C12orf42: variants seen among roughly 807,000 people sequenced by gnomAD.
C12orf42 encodes the protein uncharacterized protein C12orf42.
A neutral mutation model predicts 21.6 loss-of-function variants in C12orf42; 25 were observed. That is an observed-to-expected ratio of 1.16 (90% CI 0.84 to 1.62). The LOEUF (loss-of-function observed/expected upper bound fraction) is 1.62, where lower values mean the gene tolerates loss of function less well. C12orf42 is among the 40% of genes most tolerant of loss of function. The probability of loss-of-function intolerance (pLI) is 0.00; values close to 1 mark genes in which losing one functional copy is unlikely to be tolerated. For synonymous variants in C12orf42, 174 were observed against 175.0 expected, an observed-to-expected ratio of 0.99 and a Z score of 0.05; for missense variants, 483 against 459.3, an observed-to-expected ratio of 1.05 and a Z score of -0.47.
chr12:103,103,629 T>C, the C12orf42 span, among the ~76,000 whole-genome samples: 1 of 151,602 alleles, frequency 6.6e-6, no homozygotes, highest in East Asian at 1.9e-4. Flanking sequence ...GAGCCCAATA[T>C]TTTTTTTTCC....
At chr12:103,220,288 CTA>C in the C12orf42 span, among the ~76,000 whole-genome samples, 1 of 152,056 alleles carries the variant, frequency 6.6e-6, no homozygotes, top group Non-Finnish European at 1.5e-5. Flanking sequence ...GGAGAAATAC[CTA>C]ATGCAGATGA....
At chr12:103,074,022 A>G in the C12orf42 span, among the ~76,000 whole-genome samples, 3 of 152,156 alleles carry the variant, frequency 2.0e-5, no homozygotes, top group South Asian at 6.2e-4. Flanking sequence ...ACAGCACACA[A>G]CCTTCCAATC....
At chr12:103,447,916 C>G (rs140055477) in intron 2 of C12orf42, among the ~76,000 whole-genome samples, 149 of 152,020 alleles carry the variant, frequency 9.8e-4, no homozygotes, top group African/African-American at 3.2e-3. Flanking sequence ...ATACTACCAT[C>G]ATTCTTCACA....
the C12orf42 span, among the ~76,000 whole-genome samples, chr12:103,510,650 A>G: frequency 3.9e-5 from 6 of 152,198 alleles, no homozygotes; most frequent in Non-Finnish European, 8.8e-5. Flanking sequence ...CCCTAAAACA[A>G]TCATTTCATT....
chr12:103,298,892 G>T (rs978427258), downstream of C12orf42, among the ~76,000 whole-genome samples: 1 of 152,090 alleles, frequency 6.6e-6, no homozygotes, highest in Non-Finnish European at 1.5e-5. Context: ...CAAATAAAAA[G>T]AACTATGTCA....
At chr12:103,273,757 G>GAAGAGA (rs1184340555) in intron 5 of C12orf42, 2 of 439,252 alleles carry the variant, frequency 4.6e-6, no homozygotes, top group South Asian at 1.6e-5. Flanking sequence ...AGGAGAAAGA[G>GAAGAGA]AAGAGAAAGA....
At chr12:103,197,178 C>T in the C12orf42 span, among the ~76,000 whole-genome samples, 4 of 152,062 alleles carry the variant, frequency 2.6e-5, no homozygotes, top group South Asian at 2.1e-4. Context: ...TTATGGAGCT[C>T]GGTTTGGCTG....
At chr12:103,074,298 G>A in the C12orf42 span, among the ~76,000 whole-genome samples, 2 of 152,152 alleles carry the variant, frequency 1.3e-5, no homozygotes, top group Non-Finnish European at 2.9e-5. Context: ...TTATTTTTCG[G>A]GCACCATAAA....
the C12orf42 span, among the ~76,000 whole-genome samples, chr12:103,169,667 G>T: frequency 6.6e-6 from 1 of 152,058 alleles, no homozygotes; most frequent in African/African-American, 2.4e-5. Context: ...GTTATAGTGG[G>T]CAAAATAATT....
At chr12:103,209,388 C>T in the C12orf42 span, among the ~76,000 whole-genome samples, 1 of 152,124 alleles carries the variant, frequency 6.6e-6, no homozygotes. Flanking sequence ...AAAATAGACT[C>T]CTGCTTTGGT....
intron 2 of C12orf42, among the ~76,000 whole-genome samples, chr12:103,409,621 T>G (rs540318515): frequency 6.6e-6 from 1 of 152,286 alleles, no homozygotes; most frequent in East Asian, 1.9e-4. Context: ...CAAAAATGGA[T>G]AGATGTGCAC....
chr12:103,297,767 G>A (rs146768478), downstream of C12orf42, among the ~76,000 whole-genome samples: 5 of 150,978 alleles, frequency 3.3e-5, no homozygotes, highest in East Asian at 9.7e-4. Flanking sequence ...AGATCAAGCG[G>A]GCTTCATCCC....
At chr12:103,189,533 G>A in the C12orf42 span, among the ~76,000 whole-genome samples, 5 of 152,192 alleles carry the variant, frequency 3.3e-5, no homozygotes, top group East Asian at 1.9e-4. Context: ...AAGAGTGTAG[G>A]AAGGACAGTT....
chr12:103,141,995 A>T, the C12orf42 span, among the ~76,000 whole-genome samples: 1 of 152,206 alleles, frequency 6.6e-6, no homozygotes, highest in South Asian at 2.1e-4. Context: ...AATAGAATGA[A>T]CACAAATTAA....
At chr12:103,301,255 T>C (rs536578330), downstream of C12orf42, among the ~76,000 whole-genome samples, 52 of 152,148 alleles carry the variant, frequency 3.4e-4, no homozygotes, top group Non-Finnish European at 6.3e-4. Flanking sequence ...TCCAAGCTTG[T>C]GGGAAAATTC....
At chr12:103,202,733 C>T in the C12orf42 span, among the ~76,000 whole-genome samples, 1 of 152,156 alleles carries the variant, frequency 6.6e-6, no homozygotes, top group Non-Finnish European at 1.5e-5. Context: ...TTTTTTGTCT[C>T]AAGCTAAGTG....
At chr12:103,100,190 G>T in the C12orf42 span, among the ~76,000 whole-genome samples, 2 of 152,234 alleles carry the variant, frequency 1.3e-5, no homozygotes, top group Non-Finnish European at 2.9e-5. Flanking sequence ...ATCCATACAT[G>T]CCATCCCCAC....
chr12:103,340,460 C>T (rs2042066860), intron 4 of C12orf42, among the ~76,000 whole-genome samples: 1 of 152,182 alleles, frequency 6.6e-6, no homozygotes, highest in African/African-American at 2.4e-5. Flanking sequence ...TTCTATTGTC[C>T]TGACTTAATA....
chr12:103,192,601 A>G, the C12orf42 span, among the ~76,000 whole-genome samples: 135 of 152,258 alleles, frequency 8.9e-4, no homozygotes, highest in African/African-American at 3.2e-3. Flanking sequence ...GTGCTATAGT[A>G]ACATGAGATA....
Sources: allele counts gnomAD v4.1 joint callset (sites outside exome capture counted in the v4.1 genomes callset), GRCh38; gene constraint gnomAD v4.1.1; transcripts MANE v1.5; gene names NCBI Gene and HGNC (gene_info 2026-07-23, HGNC 2026-07-21).